The following ASTN2 variants were observed in gnomAD, a reference collection of about 807,000 sequenced individuals.
ASTN2 encodes the protein astrotactin-2.
A neutral mutation model predicts 139.8 loss-of-function variants in ASTN2; 54 were observed. The ratio of observed to expected loss-of-function variants is 0.39; its 90% CI spans 0.31 to 0.48. ASTN2 has a LOEUF of 0.48. Among genes scored for constraint, ASTN2 ranks in the 20% least tolerant of loss-of-function variants. The pLI is 0.95. For synonymous variants in ASTN2, 756 were observed against 719.5 expected (o/e 1.05, Z -0.81); for missense variants, 1,565 against 1,725.1 (o/e 0.91, Z 1.64).
intron 20 of ASTN2, among the ~76,000 whole-genome samples, chr9:116,447,005 A>G (rs369601024): frequency 6.6e-6 from 1 of 152,154 alleles, no homozygotes; most frequent in African/African-American, 2.4e-5. Context: ...AAATTCCTCA[A>G]CTTGGAACCC....
At chr9:116,861,356 G>A (rs1832878877) in intron 11 of ASTN2, among the ~76,000 whole-genome samples, 1 of 152,014 alleles carries the variant, frequency 6.6e-6, no homozygotes, top group Admixed American at 6.6e-5. Flanking sequence ...TGGAAAAGAG[G>A]AAAGAGGCAG....
chr9:116,770,769 A>G (rs963679326), intron 13 of ASTN2, among the ~76,000 whole-genome samples: 1 of 152,014 alleles, frequency 6.6e-6, no homozygotes, highest in Non-Finnish European at 1.5e-5. Context: ...GGTGATGAGT[A>G]CCCTACGGAA....
intron 19 of ASTN2, among the ~76,000 whole-genome samples, chr9:116,532,245 T>C (rs1851387696): frequency 1.3e-5 from 2 of 152,222 alleles, no homozygotes; most frequent in Admixed American, 6.5e-5. Flanking sequence ...GAGTTCTTTG[T>C]AGATTCTGGA....
chr9:117,402,682 TTATAC>T (rs1187661445), intron 1 of ASTN2, among the ~76,000 whole-genome samples: 1 of 152,206 alleles, frequency 6.6e-6, no homozygotes, highest in Non-Finnish European at 1.5e-5. Flanking sequence ...TGGAACATAC[TTATAC>T]TAAACAAGTA....
chr9:116,670,855 C>T (rs1394776888), intron 16 of ASTN2, among the ~76,000 whole-genome samples: 1 of 152,082 alleles, frequency 6.6e-6, no homozygotes, highest in African/African-American at 2.4e-5. Context: ...TGACCTTTGA[C>T]TATCCATACT....
intron 19 of ASTN2, among the ~76,000 whole-genome samples, chr9:116,498,189 C>A (rs1849730198): frequency 6.6e-6 from 1 of 152,152 alleles, no homozygotes. Flanking sequence ...GAACTTGAAC[C>A]CAGGTTGATC....
At chr9:117,155,299 A>G (rs984652061) in intron 3 of ASTN2, among the ~76,000 whole-genome samples, 3 of 152,080 alleles carry the variant, frequency 2.0e-5, no homozygotes, top group African/African-American at 7.2e-5. Flanking sequence ...CTAAGGCAGT[A>G]GAGAGGACAG....
At position 116,975,357 on chromosome 9, in the gene ASTN2, G is replaced by A. The variant is rs757985402; in HGVS notation, c.1752-12C>T. The stretch of plus-strand genomic sequence containing the variant: ...AGCTGAAAGTAGACCTGCAATGTAA[G>A]AGTTTCCATTGGGGAACTCCCTGGG... On this transcript the variant is annotated splice_polypyrimidine_tract_variant and intron_variant, in intron 9 of 22. Transcript: ENST00000313400. The A allele has an allele frequency of 5.0e-6, 8 of 1,591,412 alleles. No individual in the cohort carries two copies. In the African/African-American group the frequency reaches 9.5e-5, roughly 19 times the overall value.
intron 7 of ASTN2, among the ~76,000 whole-genome samples, chr9:116,999,548 C>CTTTTTTTTTTTTTTTTTTTT (rs71379248): frequency 4.2e-5 from 4 of 94,964 alleles, no homozygotes; most frequent in Non-Finnish European, 7.8e-5. Context: ...TTCTCTCTTT[C>CTTTTTTTTTTTTTTTTTTTT]TTTTTTTTTT....
chr9:117,189,064 T>C (rs1055324570), intron 3 of ASTN2, among the ~76,000 whole-genome samples: 6 of 152,088 alleles, frequency 3.9e-5, no homozygotes, highest in Admixed American at 2.6e-4. Context: ...CTGCCAGACA[T>C]CCTAACCTCC....
Position 117,045,974 on chromosome 9 carries a change from A to ACG in ASTN2, c.1277-6010_1277-6009insCG, listed in dbSNP as rs1564399740. Among the ~76,000 whole-genome samples, 74 of 134,534 alleles carry ACG rather than the reference A, an allele frequency of 5.5e-4. No homozygotes were observed. In the Middle Eastern group the frequency reaches 0.012, roughly 22 times the overall value. The allele number at this position is 134,534 out of a possible 152,430, so 88.3% of individuals were successfully genotyped here. A position where few individuals can be genotyped will look rare whatever the true frequency, so the allele number is the denominator to read the frequency against. On this transcript the variant is annotated intron_variant, in intron 5 of 22. Coordinates refer to ENST00000313400, the MANE Select transcript of ASTN2 (RefSeq NM_001365068.1). ...GGCTTTTGTATGTATGTATGTATGT[A>ACG]TGTATGTACGTACGTACGTATGTAT...
Position 116,863,728 on chromosome 9 carries a change from T to A in ASTN2, c.1895A>T (p.Glu632Val), listed in dbSNP as rs1482764161. ...VTEDPADVRE[E>V]AMLSTYFETI... is the part of the protein sequence containing the mutation. ...TTCAAAGTATGTGGACAGCATCGCT[T>A]CTTCCCTTGGAGAGAAAGGGGATGG... The change falls in exon 11 of 23, where the codon GAA becomes GTA. Residue 632 changes from glutamate to valine, a missense_variant. This residue lies in a region of ASTN2 where 503 missense variants were observed against 591.7 expected (regional missense o/e 0.85). Transcript: ENST00000313400. The A allele has an allele frequency of 1.2e-6, 2 of 1,611,904 alleles. No homozygotes were observed. Among genetic ancestry groups the A allele is most frequent in the Non-Finnish European group, 1.7e-6 (2 of 1,178,668 alleles).
chr9:117,268,040 T>C (rs558035420), intron 2 of ASTN2, among the ~76,000 whole-genome samples: 1 of 152,340 alleles, frequency 6.6e-6, no homozygotes, highest in South Asian at 2.1e-4. Flanking sequence ...TGCTGTAAAA[T>C]GTTAAAAAGC....
At chr9:116,564,749 T>C (rs905265467) in intron 19 of ASTN2, among the ~76,000 whole-genome samples, 15 of 152,072 alleles carry the variant, frequency 9.9e-5, no homozygotes, top group African/African-American at 3.4e-4. Context: ...TTTTTTCATA[T>C]AGTCATATAT....
At chr9:116,449,423 A>C (rs1293321632) in intron 20 of ASTN2, among the ~76,000 whole-genome samples, 1 of 152,178 alleles carries the variant, frequency 6.6e-6, no homozygotes, top group African/African-American at 2.4e-5. Context: ...ATAAATTAGT[A>C]AAAATAAAAT....
At chr9:117,308,171 C>T (rs566777010) in intron 1 of ASTN2, among the ~76,000 whole-genome samples, 2 of 152,250 alleles carry the variant, frequency 1.3e-5, no homozygotes, top group East Asian at 1.9e-4. Context: ...ATGCAGGAAA[C>T]CTGGCCAGGA....
At chr9:117,211,104 C>T (rs890553607) in intron 3 of ASTN2, among the ~76,000 whole-genome samples, 1 of 151,876 alleles carries the variant, frequency 6.6e-6, no homozygotes. Flanking sequence ...CCACAGCTAA[C>T]ATCTTACCAA....
At chr9:116,572,689 A>C (rs1215312602) in intron 19 of ASTN2, among the ~76,000 whole-genome samples, 2 of 152,160 alleles carry the variant, frequency 1.3e-5, no homozygotes, top group Non-Finnish European at 1.5e-5. Flanking sequence ...ATGTTTGAGG[A>C]AGTCAGAATC....
At chr9:116,887,010 G>A (rs972223347) in intron 10 of ASTN2, among the ~76,000 whole-genome samples, 2 of 152,096 alleles carry the variant, frequency 1.3e-5, no homozygotes, top group African/African-American at 4.8e-5. Flanking sequence ...AATCAAATGG[G>A]AATACGAATG....
Sources: gnomAD v4.1 joint callset for allele counts (sites outside exome capture counted in the v4.1 genomes callset) on GRCh38, gnomAD v4.1.1 for gene constraint, gnomAD v4.1.1 regional missense constraint, MANE v1.5 for transcripts, NCBI Gene and HGNC (gene_info 2026-07-23, HGNC 2026-07-21) for gene names.